The following LRRC49 variants were observed in gnomAD, a reference collection of about 807,000 sequenced individuals.
The protein encoded by LRRC49 is leucine-rich repeat-containing protein 49.
In LRRC49, 50 loss-of-function variants were observed where a neutral mutation model predicts 83.3. The ratio of observed to expected loss-of-function variants is 0.60; its 90% CI spans 0.48 to 0.76. LRRC49 has a LOEUF of 0.76. LRRC49 is among the 30% of genes least tolerant of loss of function. The pLI is 0.00. For synonymous variants in LRRC49, 286 were observed against 283.3 expected, an observed-to-expected ratio of 1.01 and a Z score of -0.10; for missense variants, 704 against 809.1, an observed-to-expected ratio of 0.87 and a Z score of 1.58.
Position 71,008,379 on chromosome 15 carries a change from G to T in LRRC49, c.1170G>T (p.Gly390=), listed in dbSNP as rs78980415. 1.5e-3 allele frequency: 2,325 copies of T among 1,594,476 alleles called. 28 individuals carry two copies. The African/African-American group carries it at 0.026, about 18-fold the overall frequency. The change falls in exon 12 of 16, where the codon GGG becomes GGT. Residue 390 remains glycine, a splice_region_variant and synonymous_variant. Transcript: ENST00000260382. ...TAAAATTATACTTTGGGTTTTCCAG[G>T]CCTCTAGACTCAGGACTCAACAATG... is the stretch of plus-strand genomic sequence containing the variant. ...STLSAFPEET[G]PLDSGLNNAL... is the part of the protein sequence containing the mutation.
rs199772134 is a variant in LRRC49 at position 70,984,120 on chromosome 15, C to T, written c.1032C>T (p.Asn344=). 15 of 1,609,206 alleles carry T rather than the reference C, an allele frequency of 9.3e-6. No individual in the cohort carries two copies. Among genetic ancestry groups the T allele is most frequent in the African/African-American group, 2.7e-5 (2 of 74,406 alleles). Residue 344 remains asparagine, a synonymous_variant, in exon 11 of 16, where the codon AAC becomes AAT. Coordinates refer to ENST00000260382, the MANE Select transcript of LRRC49 (RefSeq NM_017691.5). ...AGAAGAAAAGGTTAACAATTAACAA[C>T]GTAGCTCGACAGTGGGACTTGCAAC... The part of the protein sequence containing the change: ...LKEKKRLTIN[N]VARQWDLQQQ...
rs540828404 is a variant in LRRC49, at chr15:70,933,058, T to G, written c.712-3703T>G. Among the ~76,000 whole-genome samples, 8 of 152,296 alleles carry G rather than the reference T, an allele frequency of 5.3e-5. No homozygotes were observed. In the South Asian group the frequency reaches 1.7e-3, roughly 32 times the overall value. ...AGTTCTTTTATGCAGTTTAGGGATA[T>G]GGACAACAGTGCCTGAGCAGAGTAG... On this transcript the variant is annotated intron_variant, in intron 7 of 15. Coordinates refer to ENST00000260382, the MANE Select transcript of LRRC49 (RefSeq NM_017691.5).
Position 71,052,838 on chromosome 15 carries a change from G to T in LRRC49, c.*3226G>T, listed in dbSNP as rs1596189981. On this transcript the variant is annotated 3_prime_UTR_variant, in exon 16 of 16. Transcript: ENST00000260382. ...ATTCACTGTTAGTCTTAAGGATCTGGCATCTGGGAAGAATTTTGATGTCCA... is the reference window on the plus strand; with the variant it reads ...ATTCACTGTTAGTCTTAAGGATCTGTCATCTGGGAAGAATTTTGATGTCCA... The T allele has an allele frequency of 6.6e-6, 1 of 152,128 alleles. No homozygotes were observed. Among genetic ancestry groups the T allele is most frequent in the Non-Finnish European group, 1.5e-5 (1 of 68,040 alleles). The allele number at this position is 152,128 out of a possible 1,614,324, so 9.4% of individuals were successfully genotyped here.
rs921043832 is a variant in LRRC49, at chr15:71,028,810, T to C, written c.1704-8369T>C. ...GTGAACTCCCCTTTATCATTTTTTA[T>C]TGTGTCTATTTGATTCCTCTCTCTT... On this transcript the variant is annotated intron_variant, in intron 14 of 15. Coordinates refer to ENST00000260382, the MANE Select transcript of LRRC49 (RefSeq NM_017691.5). 3.9e-5 allele frequency among the ~76,000 whole-genome samples: 6 copies of C among 152,184 alleles called. No individual in the cohort carries two copies. In the East Asian group the frequency reaches 7.7e-4, roughly 20 times the overall value.
At chr15:70,933,090 C>A (rs189127541) in intron 7 of LRRC49, among the ~76,000 whole-genome samples, 1 of 152,184 alleles carries the variant, frequency 6.6e-6, no homozygotes, top group Non-Finnish European at 1.5e-5. Context: ...GTAGGACAAG[C>A]ATTTTTCTCA....
At chr15:71,002,903 G>A (rs2038312153) in intron 11 of LRRC49, among the ~76,000 whole-genome samples, 1 of 141,896 alleles carries the variant, frequency 7.0e-6, no homozygotes, top group Non-Finnish European at 1.5e-5. Context: ...CTTTTCTTAG[G>A]GTCCTTTATT....
intron 9 of LRRC49, among the ~76,000 whole-genome samples, chr15:70,978,316 A>G (rs889701384): frequency 3.9e-5 from 6 of 152,184 alleles, no homozygotes; most frequent in Non-Finnish European, 8.8e-5. Flanking sequence ...CAGGCTTTCA[A>G]AGTACCCACC....
At chr15:70,946,713 G>A (rs1226383598) in intron 8 of LRRC49, among the ~76,000 whole-genome samples, 1 of 152,080 alleles carries the variant, frequency 6.6e-6, no homozygotes, top group Non-Finnish European at 1.5e-5. Context: ...CAGCAACAAT[G>A]TACAGGGTTT....
intron 5 of LRRC49, among the ~76,000 whole-genome samples, chr15:70,910,060 T>C (rs987448118): frequency 2.0e-5 from 3 of 151,874 alleles, no homozygotes; most frequent in African/African-American, 7.3e-5. Flanking sequence ...GAGGTAGGAA[T>C]AGGGTACAGA....
chr15:71,013,134 C>T (rs979421909), intron 14 of LRRC49, among the ~76,000 whole-genome samples: 3 of 151,964 alleles, frequency 2.0e-5, no homozygotes, highest in Non-Finnish European at 2.9e-5. Flanking sequence ...ACAATTAAAA[C>T]GTAATGTTTC....
At chr15:71,041,387 G>A (rs1430726215) in intron 15 of LRRC49, among the ~76,000 whole-genome samples, 2 of 152,058 alleles carry the variant, frequency 1.3e-5, no homozygotes, top group African/African-American at 2.4e-5. Flanking sequence ...TGAATACCTG[G>A]AAATCCCAAG....
intron 12 of LRRC49, among the ~76,000 whole-genome samples, chr15:71,008,859 T>C (rs2038552743): frequency 6.6e-6 from 1 of 151,932 alleles, no homozygotes; most frequent in Admixed American, 6.6e-5. Flanking sequence ...AAAAGACTGA[T>C]ATAATTTTAT....
chr15:70,980,120 C>T lies in LRRC49; in HGVS notation c.941C>T (p.Ala314Val). 2 of 1,610,556 alleles carry T rather than the reference C, an allele frequency of 1.2e-6. No homozygotes were observed. Among genetic ancestry groups the T allele is most frequent in the South Asian group, 1.1e-5 (1 of 90,588 alleles). ...TTTTAGGAAGAAGAAAGGCGTATGG[C>T]ATCTGTTTTAGCCAAAAAAGAGGAA... ...KRITEEERRM[A>V]SVLAKKEEEK... The change falls in exon 10 of 16, where the codon GCA (alanine) becomes GTA (valine). Residue 314 changes from alanine (A) to valine (V), a missense_variant. Coordinates refer to ENST00000260382, the MANE Select transcript of LRRC49 (RefSeq NM_017691.5).
intron 14 of LRRC49, among the ~76,000 whole-genome samples, chr15:71,035,833 CTT>C (rs1441136040): frequency 3.9e-5 from 6 of 152,072 alleles, no homozygotes; most frequent in African/African-American, 1.4e-4. Flanking sequence ...AATAGAATGA[CTT>C]ATATTCTTTT....
At chr15:70,882,508 A>T (rs1408508045) in intron 2 of LRRC49, 1 of 1,613,770 alleles carries the variant, frequency 6.2e-7, no homozygotes, top group South Asian at 1.1e-5. Flanking sequence ...CACTCTGTTC[A>T]CTCTTGATAT....
rs1204010444 is a variant in LRRC49, at chr15:70,980,098, TA to T, written c.922-2del. On this transcript the variant is annotated splice_acceptor_variant, in intron 9 of 15. Coordinates refer to ENST00000260382, the MANE Select transcript of LRRC49 (RefSeq NM_017691.5). LOFTEE classifies it high-confidence loss of function. ...ATAATACTTTTCGGAAAATGTCTTT[TA>T]GGAAGAAGAAAGGCGTATGGCATCT... 1 of 1,598,570 alleles carries T rather than the reference TA, an allele frequency of 6.3e-7. No individual in the cohort carries two copies. The highest frequency in any genetic ancestry group is 8.5e-7 in the Non-Finnish European group (1 of 1,171,408).
intron 2 of LRRC49, chr15:70,894,730 G>C (rs988576312): frequency 6.3e-6 from 4 of 639,390 alleles, no homozygotes; most frequent in Non-Finnish European, 9.4e-6. Context: ...GAAGGGCAGA[G>C]TTCACACATA....
intron 11 of LRRC49, among the ~76,000 whole-genome samples, chr15:70,989,279 A>G (rs535697579): frequency 6.6e-6 from 1 of 152,176 alleles, no homozygotes; most frequent in Non-Finnish European, 1.5e-5. Flanking sequence ...TACACCAATC[A>G]GACGTAGATT....
At chr15:70,895,054 T>C (rs922327281) in intron 2 of LRRC49, among the ~76,000 whole-genome samples, 1 of 152,214 alleles carries the variant, frequency 6.6e-6, no homozygotes. Context: ...CTTTCTCTTG[T>C]GTGGACATCT....
Sources: allele counts gnomAD v4.1 joint callset (sites outside exome capture counted in the v4.1 genomes callset), GRCh38; gene constraint gnomAD v4.1.1; transcripts MANE v1.5; gene names NCBI Gene and HGNC (gene_info 2026-07-23, HGNC 2026-07-21).